The following UBE2R2 variants were observed in gnomAD, a reference collection of about 807,000 sequenced individuals.
UBE2R2 encodes the protein ubiquitin conjugating enzyme E2 R2, also known as ubiquitin-conjugating enzyme E2 R2.
A neutral mutation model predicts 27.8 loss-of-function variants in UBE2R2; 1 was observed. The ratio of observed to expected loss-of-function variants is 0.04; its 90% CI spans 0.01 to 0.17. UBE2R2 has a LOEUF of 0.17. Among genes scored for constraint, UBE2R2 ranks in the 10% least tolerant of loss-of-function variants. The pLI, the probability that UBE2R2 is intolerant of heterozygous loss-of-function variation, is 1.00. For synonymous variants in UBE2R2, 106 were observed against 113.3 expected, an observed-to-expected ratio of 0.94 and a Z score of 0.41; for missense variants, 100 against 291.0, an observed-to-expected ratio of 0.34 and a Z score of 4.78.
chr9:33,882,361 A>G (rs1413209767), intron 1 of UBE2R2, among the ~76,000 whole-genome samples: 1 of 152,100 alleles, frequency 6.6e-6, no homozygotes, highest in Non-Finnish European at 1.5e-5. Context: ...ATCTCGGCTC[A>G]CTGCAACCTC....
intron 1 of UBE2R2, among the ~76,000 whole-genome samples, chr9:33,831,928 TG>T (rs1490963075): frequency 4.0e-5 from 6 of 149,996 alleles, no homozygotes; most frequent in Non-Finnish European, 8.8e-5. Context: ...CCCAAAGTGC[TG>T]GGATTACTGG....
Position 33,817,626 on chromosome 9 carries a change from C to T in UBE2R2, c.-132C>T, listed in dbSNP as rs1825830495. The T allele has an allele frequency of 9.3e-7, 1 of 1,075,494 alleles. No homozygotes were observed. Among genetic ancestry groups the T allele is most frequent in the Admixed American group, 5.1e-5 (1 of 19,452 alleles). The allele number at this position is 1,075,494 out of a possible 1,614,324, so 66.6% of individuals were successfully genotyped here. A position where few individuals can be genotyped will look rare whatever the true frequency, so the allele number is the denominator to read the frequency against. Reference sequence around the variant, plus strand: ...GCCGTGTGGGGCCTGGTCTGGCCCGCCGGGTGTGTGAAGACCGGGGCCCGG... The same window carrying T: ...GCCGTGTGGGGCCTGGTCTGGCCCGTCGGGTGTGTGAAGACCGGGGCCCGG... On this transcript the variant is annotated 5_prime_UTR_variant, in exon 1 of 5. Transcript: ENST00000263228.
intron 3 of UBE2R2, among the ~76,000 whole-genome samples, chr9:33,901,850 A>C (rs1822251044): frequency 6.6e-6 from 1 of 152,100 alleles, no homozygotes; most frequent in African/African-American, 2.4e-5. Flanking sequence ...AATTCAAATA[A>C]ATGTGTTTTT....
intron 1 of UBE2R2, among the ~76,000 whole-genome samples, chr9:33,844,051 T>G (rs1315196652): frequency 6.6e-6 from 1 of 152,184 alleles, no homozygotes; most frequent in African/African-American, 2.4e-5. Context: ...GATCCCAAGC[T>G]CAAAAAATTG....
rs918853581 is a variant in UBE2R2, at chr9:33,919,139, G to C, written c.*1902G>C. ...TGATTTTAGTCAGATCCATGGAACA[G>C]AGCAGCTTCGTAATACATTGTCAAG... On this transcript the variant is annotated 3_prime_UTR_variant, in exon 5 of 5. Coordinates refer to ENST00000263228, the MANE Select transcript of UBE2R2 (RefSeq NM_017811.4). The C allele has an allele frequency of 1.3e-5, 2 of 152,274 alleles. No homozygotes were observed. The highest frequency in any genetic ancestry group is 2.9e-5 in the Non-Finnish European group (2 of 68,040). 9.4% of individuals were successfully genotyped at this position (152,274 alleles called of 1,614,324 possible). A position where few individuals can be genotyped will look rare whatever the true frequency, so the allele number is the denominator to read the frequency against.
intron 2 of UBE2R2, 26 bp downstream of exon 2, chr9:33,886,993 C>A (rs575833918): frequency 1.2e-5 from 19 of 1,561,028 alleles, no homozygotes; most frequent in Non-Finnish European, 1.6e-5. Context: ...TCATAAATTT[C>A]TCTGAAGATT....
intron 1 of UBE2R2, among the ~76,000 whole-genome samples, chr9:33,846,012 G>A (rs1338431126): frequency 6.6e-6 from 1 of 152,044 alleles, no homozygotes; most frequent in Non-Finnish European, 1.5e-5. Flanking sequence ...TGTAGTTCCA[G>A]CTACTCGGGA....
At chr9:33,846,698 A>C (rs549815000) in intron 1 of UBE2R2, among the ~76,000 whole-genome samples, 2 of 152,348 alleles carry the variant, frequency 1.3e-5, no homozygotes, top group South Asian at 4.1e-4. Flanking sequence ...TGCAACTGCT[A>C]AACTCTGCCA....
At chr9:33,839,705 T>C (rs1820690378) in intron 1 of UBE2R2, among the ~76,000 whole-genome samples, 1 of 152,174 alleles carries the variant, frequency 6.6e-6, no homozygotes, top group African/African-American at 2.4e-5. Flanking sequence ...AATAAATTAC[T>C]GTTGTTTAAG....
chr9:33,832,521 G>C (rs1052659116), intron 1 of UBE2R2, among the ~76,000 whole-genome samples: 4 of 151,722 alleles, frequency 2.6e-5, no homozygotes, highest in Non-Finnish European at 5.9e-5. Flanking sequence ...GCTGCGCTTC[G>C]CGGCCAGCAC....
intron 1 of UBE2R2, among the ~76,000 whole-genome samples, chr9:33,872,268 C>CT (rs1167982312): frequency 2.0e-5 from 3 of 151,578 alleles, no homozygotes; most frequent in African/African-American, 7.3e-5. Flanking sequence ...TGGTGTATAC[C>CT]TGTAGTTCCA....
At chr9:33,827,807 C>G (rs1348653130) in intron 1 of UBE2R2, among the ~76,000 whole-genome samples, 1 of 151,172 alleles carries the variant, frequency 6.6e-6, no homozygotes, top group Admixed American at 6.6e-5. Flanking sequence ...CCCGTCTCTA[C>G]TAAAAATACA....
intron 3 of UBE2R2, among the ~76,000 whole-genome samples, chr9:33,909,962 T>C (rs957506184): frequency 6.6e-6 from 1 of 152,180 alleles, no homozygotes; most frequent in African/African-American, 2.4e-5. Flanking sequence ...TTTCCTCCCT[T>C]TATTTTTGGC....
At chr9:33,878,720 G>C (rs574893806) in intron 1 of UBE2R2, among the ~76,000 whole-genome samples, 2 of 152,194 alleles carry the variant, frequency 1.3e-5, no homozygotes, top group Non-Finnish European at 2.9e-5. Flanking sequence ...AGAAACAAAG[G>C]CTTGGTAGAG....
At chr9:33,895,112 CTA>C (rs1822071886) in intron 2 of UBE2R2, among the ~76,000 whole-genome samples, 1 of 152,196 alleles carries the variant, frequency 6.6e-6, no homozygotes, top group Non-Finnish European at 1.5e-5. Context: ...TTCTCCCATT[CTA>C]TAGGTTGCCT....
At chr9:33,897,024 ATTTTTTTTTTTTTT>A (rs749987839) in intron 2 of UBE2R2, among the ~76,000 whole-genome samples, 4 of 40,596 alleles carry the variant, frequency 9.9e-5, no homozygotes, top group Non-Finnish European at 1.7e-4. Flanking sequence ...CTGTGGCCTA[ATTTTTTTTTTTTTT>A]TTTTTTTTTT....
At chr9:33,891,049 T>TTTTTTGTTTTTTTTG (rs1821970849) in intron 2 of UBE2R2, among the ~76,000 whole-genome samples, 2 of 139,932 alleles carry the variant, frequency 1.4e-5, no homozygotes, top group Non-Finnish European at 3.1e-5. Flanking sequence ...GTTGTTGTGT[T>TTTTTTGTTTTTTTTG]TTTTTGTTTT....
At chr9:33,828,737 G>A (rs12376951) in intron 1 of UBE2R2, among the ~76,000 whole-genome samples, 11,839 of 145,962 alleles carry the variant, frequency 0.081, 661 homozygotes, top group Non-Finnish European at 0.12. Flanking sequence ...AATTTTTGTA[G>A]TTTTTTTTTT....
intron 1 of UBE2R2, among the ~76,000 whole-genome samples, chr9:33,877,548 C>G (rs759896881): frequency 2.0e-5 from 3 of 152,074 alleles, no homozygotes; most frequent in Non-Finnish European, 4.4e-5. Context: ...ATATTAGATG[C>G]TTAGAGAAAA....
Sources: allele counts gnomAD v4.1 joint callset (sites outside exome capture counted in the v4.1 genomes callset), GRCh38; gene constraint gnomAD v4.1.1; transcripts MANE v1.5; gene names NCBI Gene and HGNC (gene_info 2026-07-23, HGNC 2026-07-21).